The following TP63 variants were observed in gnomAD, a reference collection of about 807,000 sequenced individuals.
The protein encoded by TP63 is tumor protein 63.
TP63 carries 17 observed loss-of-function variants against 82.8 expected under a neutral mutation model. That is an observed-to-expected ratio of 0.21 (90% CI 0.14 to 0.31). The LOEUF (loss-of-function observed/expected upper bound fraction) is 0.31. Ranked by LOEUF, TP63 falls within the 10% of genes least tolerant of loss-of-function variation. TP63 has a pLI of 1.00. For synonymous variants in TP63, 330 were observed against 321.7 expected, an observed-to-expected ratio of 1.03 and a Z score of -0.28; for missense variants, 648 against 895.3, an observed-to-expected ratio of 0.72 and a Z score of 3.52.
intron 10 of TP63, among the ~76,000 whole-genome samples, chr3:189,878,433 G>GGC (rs1297373002): frequency 7.1e-6 from 1 of 140,756 alleles, no homozygotes; most frequent in Non-Finnish European, 1.5e-5. Flanking sequence ...CTGTCACCCA[G>GGC]GCTAGAGTGC....
intron 3 of TP63, among the ~76,000 whole-genome samples, chr3:189,774,285 A>G (rs1041464954): frequency 1.3e-5 from 2 of 152,206 alleles, no homozygotes; most frequent in African/African-American, 4.8e-5. Flanking sequence ...AAACAAAAAA[A>G]CCAAGTTCTT....
At chr3:189,860,542 A>C (rs1423240195) in intron 4 of TP63, among the ~76,000 whole-genome samples, 1 of 152,220 alleles carries the variant, frequency 6.6e-6, no homozygotes, top group Non-Finnish European at 1.5e-5. Context: ...GCTTTGTAAA[A>C]AGAAAAAAAA....
chr3:189,682,427 T>TGG (rs2108694814), intron 1 of TP63, among the ~76,000 whole-genome samples: 1 of 149,616 alleles, frequency 6.7e-6, no homozygotes, highest in South Asian at 2.1e-4. Context: ...ACTGCTACCT[T>TGG]AAAAGTGTTA....
intron 3 of TP63, among the ~76,000 whole-genome samples, chr3:189,745,098 G>T (rs569966304): frequency 4.6e-5 from 7 of 152,244 alleles, no homozygotes; most frequent in African/African-American, 1.4e-4. Flanking sequence ...TAATTTCATA[G>T]ATAATGTCTT....
chr3:189,602,540 T>C, the TP63 span, among the ~76,000 whole-genome samples: 1 of 152,190 alleles, frequency 6.6e-6, no homozygotes, highest in Non-Finnish European at 1.5e-5. Context: ...TTTACATCTA[T>C]AATTAGGGAA....
chr3:189,675,735 A>G (rs1715337474), intron 1 of TP63, among the ~76,000 whole-genome samples: 2 of 152,054 alleles, frequency 1.3e-5, no homozygotes, highest in Non-Finnish European at 2.9e-5. Context: ...GTGCTGGGTG[A>G]GCTGCATCAA....
intron 4 of TP63, among the ~76,000 whole-genome samples, chr3:189,857,838 T>C (rs779949696): frequency 6.6e-6 from 1 of 152,172 alleles, no homozygotes; most frequent in Non-Finnish European, 1.5e-5. Context: ...AAGATAACTG[T>C]TAGCGAGGAT....
chr3:189,681,193 G>C (rs910505791), intron 1 of TP63, among the ~76,000 whole-genome samples: 15 of 147,820 alleles, frequency 1.0e-4, no homozygotes, highest in Non-Finnish European at 2.0e-4. Flanking sequence ...TAAGTGAATA[G>C]TCACTTATGT....
intron 3 of TP63, among the ~76,000 whole-genome samples, chr3:189,774,144 G>C (rs566801932): frequency 4.0e-5 from 6 of 151,890 alleles, no homozygotes; most frequent in Non-Finnish European, 7.4e-5. Flanking sequence ...GGATGGTCTC[G>C]ATCTCCTGAT....
At chr3:189,820,862 C>G (rs1236034856) in intron 4 of TP63, among the ~76,000 whole-genome samples, 2 of 152,016 alleles carry the variant, frequency 1.3e-5, no homozygotes, top group East Asian at 3.9e-4. Context: ...AAGGACATAC[C>G]TATTATTTCC....
At chr3:189,648,930 T>G (rs1712651402) in intron 1 of TP63, among the ~76,000 whole-genome samples, 1 of 147,226 alleles carries the variant, frequency 6.8e-6, no homozygotes, top group African/African-American at 2.5e-5. Flanking sequence ...GATGCCTAAT[T>G]AATGGCAAAG....
the TP63 span, among the ~76,000 whole-genome samples, chr3:189,615,546 G>T: frequency 0.3 from 46,276 of 151,982 alleles, 7,549 homozygotes; most frequent in East Asian, 0.42. Flanking sequence ...TTATGTGTTT[G>T]GTCTTTTTTC....
chr3:189,766,830 C>T (rs2108549077), intron 3 of TP63, among the ~76,000 whole-genome samples: 1 of 152,310 alleles, frequency 6.6e-6, no homozygotes, highest in South Asian at 2.1e-4. Context: ...ATTAGGGCAA[C>T]AGTTGCTTTT....
intron 1 of TP63, among the ~76,000 whole-genome samples, chr3:189,723,415 A>G (rs1719538122): frequency 6.6e-6 from 1 of 152,236 alleles, no homozygotes; most frequent in Non-Finnish European, 1.5e-5. Context: ...TGTTGTGAAA[A>G]TTAAACAATG....
intron 3 of TP63, among the ~76,000 whole-genome samples, chr3:189,757,647 C>G (rs1023353049): frequency 6.6e-6 from 1 of 151,932 alleles, no homozygotes; most frequent in Non-Finnish European, 1.5e-5. Flanking sequence ...TTTTGTTTTT[C>G]CAAAAAATAT....
At chr3:189,596,819 G>A in the TP63 span, among the ~76,000 whole-genome samples, 1 of 152,128 alleles carries the variant, frequency 6.6e-6, no homozygotes, top group Non-Finnish European at 1.5e-5. Flanking sequence ...TCTTGCTACT[G>A]CTCACTCTTT....
rs186724902 is a variant in TP63, at chr3:189,781,093, G to A, written c.325-27179G>A. ...CACAGGATTTGGCCAACTCTTTGTC[G>A]TACTTGCAAGAGGCTGAGAAACAGA... On this transcript the variant is annotated intron_variant, in intron 3 of 13. Transcript: ENST00000264731. Among the ~76,000 whole-genome samples the A allele has an allele frequency of 5.3e-4, 80 of 152,166 alleles. No individual in the cohort carries two copies. The East Asian group carries it at 8.3e-3, about 16-fold the overall frequency.
chr3:189,679,544 A>T (rs1197906238), intron 1 of TP63, among the ~76,000 whole-genome samples: 4 of 152,074 alleles, frequency 2.6e-5, no homozygotes, highest in Non-Finnish European at 5.9e-5. Context: ...CCTCTATCAG[A>T]TGTCTGATTT....
At chr3:189,717,451 G>A (rs1007062431) in intron 1 of TP63, among the ~76,000 whole-genome samples, 6 of 152,192 alleles carry the variant, frequency 3.9e-5, no homozygotes, top group Non-Finnish European at 7.4e-5. Flanking sequence ...GCTAAGATTT[G>A]GGAAGCTGAC....
Sources: gnomAD v4.1 joint callset for allele counts (sites outside exome capture counted in the v4.1 genomes callset) on GRCh38, gnomAD v4.1.1 for gene constraint, MANE v1.5 for transcripts, NCBI Gene and HGNC (gene_info 2026-07-23, HGNC 2026-07-21) for gene names.